Variants in TRIM29 observed in about 807,000 individuals in gnomAD.
TRIM29 encodes tripartite motif-containing protein 29.
A neutral mutation model predicts 57.3 loss-of-function variants in TRIM29; 52 were observed. The observed-to-expected ratio is 0.91, with a 90% confidence interval of 0.73 to 1.14. TRIM29 has a LOEUF of 1.14. TRIM29 is among the 50% of genes most tolerant of loss of function. The pLI is 0.00. For synonymous variants in TRIM29, 319 were observed against 316.9 expected (o/e 1.01, Z -0.07); for missense variants, 753 against 774.6 (o/e 0.97, Z 0.33).
At chr11:120,126,117 A>G (rs1196007913) in intron 3 of TRIM29, 2 of 545,986 alleles carry the variant, frequency 3.7e-6, no homozygotes, top group Non-Finnish European at 6.5e-6. Context: ...CACGACTCCC[A>G]CCTCTAAAGT....
intron 1 of TRIM29, among the ~76,000 whole-genome samples, chr11:120,134,276 C>T (rs1241370359): frequency 2.0e-5 from 3 of 152,092 alleles, no homozygotes; most frequent in African/African-American, 7.2e-5. Context: ...AGCTGAGGCC[C>T]AGAAGACAGG....
intron 6 of TRIM29, 144 bp from the exon 7 acceptor site, chr11:120,118,465 C>T: frequency 1.6e-6 from 1 of 618,286 alleles, no homozygotes; most frequent in South Asian, 2.0e-5. Flanking sequence ...AGTGACGCCT[C>T]ACCCCCATCC....
chr11:120,128,707 C>T, intron 1 of TRIM29: 1 of 1,535,698 alleles, frequency 6.5e-7, no homozygotes, highest in South Asian at 1.2e-5. Flanking sequence ...TAAATACCAT[C>T]TTGCTGTATT....
In TRIM29 at chr11:120,138,015, G is replaced by A. The variant is rs1201732292; in HGVS notation, c.17C>T (p.Ala6Val). ...TGGGCTCGACCCGTTGCTCCTGGAG[G>A]CATCTGCAGCTTCCATCGCAGGGTG... MEAADASRSNGSSPEA... is the reference protein window; with the variant it reads MEAADVSRSNGSSPEA... Residue 6 changes from alanine (A) to valine (V), a missense_variant, in exon 1 of 9, where the codon GCC (alanine) becomes GTC (valine). Physicochemically the swap from Ala to Val is moderately conservative, Grantham distance 64 (BLOSUM62 0). Transcript: ENST00000341846. 3.8e-6 allele frequency: 6 copies of A among 1,598,404 alleles called. No individual in the cohort carries two copies. In the African/African-American group the frequency reaches 4.0e-5, roughly 11 times the overall value.
chr11:120,134,643 T>A (rs1863783428), intron 1 of TRIM29, among the ~76,000 whole-genome samples: 2 of 152,212 alleles, frequency 1.3e-5, no homozygotes, highest in Admixed American at 1.3e-4. Flanking sequence ...CACATGTGTG[T>A]GCACACACAC....
At chr11:120,121,208 C>A (rs938397913) in intron 5 of TRIM29, among the ~76,000 whole-genome samples, 34 of 152,156 alleles carry the variant, frequency 2.2e-4, no homozygotes. Context: ...GACACCACAC[C>A]CCCATTTCCG....
intron 1 of TRIM29, among the ~76,000 whole-genome samples, chr11:120,134,795 T>C (rs1197739768): frequency 6.6e-6 from 1 of 152,192 alleles, no homozygotes; most frequent in East Asian, 1.9e-4. Context: ...TTAGGGGGCT[T>C]CCTCCTCAAA....
chr11:120,116,468 C>G (rs535630853), intron 7 of TRIM29: 1 of 152,670 alleles, frequency 6.6e-6, no homozygotes, highest in Non-Finnish European at 1.5e-5. Flanking sequence ...CTCTCCTGCC[C>G]TGCTCTAAGC....
intron 6 of TRIM29, among the ~76,000 whole-genome samples, chr11:120,120,174 G>C (rs891367953): frequency 8.3e-6 from 1 of 119,886 alleles, no homozygotes; most frequent in Admixed American, 8.0e-5. Flanking sequence ...CATACTTGTG[G>C]GGGGGGTGGC....
intron 5 of TRIM29, chr11:120,121,835 C>A: frequency 2.7e-6 from 1 of 372,814 alleles, no homozygotes; most frequent in South Asian, 1.9e-5. Flanking sequence ...AGGGCCTGGT[C>A]CATGGATGGA....
intron 4 of TRIM29, chr11:120,123,485 G>A (rs1863512226): frequency 2.2e-6 from 1 of 456,870 alleles, no homozygotes; most frequent in Non-Finnish European, 4.4e-6. Flanking sequence ...GTTGGGGATT[G>A]AGCTCTGGCT....
In TRIM29 at chr11:120,128,688, G is replaced by C. The variant is rs139622850; in HGVS notation, c.805-193C>G. On this transcript the variant is annotated intron_variant, in intron 1 of 8. Coordinates refer to ENST00000341846, the MANE Select transcript of TRIM29 (RefSeq NM_012101.4). ...CACCATGCCAGTCGCCAAGGATCTA[G>C]CAGTAAGTTAAATACCATCTTGCTG... 6.9e-3 allele frequency: 10,647 copies of C among 1,535,592 alleles called. 61 individuals carry two copies. Among genetic ancestry groups the C allele is most frequent in the Non-Finnish European group, 8.1e-3 (9,293 of 1,146,770 alleles).
At chr11:120,120,687 C>T in intron 5 of TRIM29, 22 bp from the exon 6 acceptor site, 1 of 1,610,662 alleles carries the variant, frequency 6.2e-7, no homozygotes, top group Non-Finnish European at 8.5e-7. Context: ...ATGAAGGGGG[C>T]TGTCATTGCA....
intron 4 of TRIM29, chr11:120,123,374 T>G: frequency 1.9e-6 from 1 of 528,938 alleles, no homozygotes; most frequent in Non-Finnish European, 3.6e-6. Context: ...ATTTGATCCA[T>G]ACATCAATTG....
chr11:120,120,951 G>T (rs1863430053), intron 5 of TRIM29: 1 of 490,284 alleles, frequency 2.0e-6, no homozygotes, highest in African/African-American at 1.9e-5. Context: ...GTGAGGGTGG[G>T]GCCTCCTGGA....
chr11:120,112,916 A>G (rs908765557), intron 8 of TRIM29, among the ~76,000 whole-genome samples: 6 of 152,118 alleles, frequency 3.9e-5, no homozygotes, highest in Non-Finnish European at 7.4e-5. Context: ...ATCATATTCA[A>G]TTTATAGTTG....
intron 1 of TRIM29, 103 bp from the exon 2 acceptor site, chr11:120,128,598 G>T (rs1264624558): frequency 6.7e-6 from 10 of 1,502,246 alleles, no homozygotes; most frequent in Non-Finnish European, 8.1e-6. Flanking sequence ...CGCAGCCAGG[G>T]CTCATCACTC....
rs1863832482 is a variant in TRIM29, at chr11:120,137,117, G to A, written c.804+111C>T. 2 of 1,188,546 alleles carry A rather than the reference G, an allele frequency of 1.7e-6. No individual in the cohort carries two copies. The highest frequency in any genetic ancestry group is 2.3e-5 in the Admixed American group (1 of 43,872). The allele number at this position is 1,188,546 out of a possible 1,614,324, so 73.6% of individuals were successfully genotyped here. A position where few individuals can be genotyped will look rare whatever the true frequency, so the allele number is the denominator to read the frequency against. On this transcript the variant is annotated intron_variant, in intron 1 of 8. Coordinates refer to ENST00000341846, the MANE Select transcript of TRIM29 (RefSeq NM_012101.4). This position sits in a 1 kb window ranked among gnomAD's most constrained non-coding sequence, Gnocchi z 6.2. ...ATGTTTTCTAAAAGAGCCAAGGACA[G>A]TAGAAACTTAAGCCCCAAACCCGAG...
chr11:120,137,973 C>T lies in TRIM29; in HGVS notation c.59G>A (p.Arg20Gln), dbSNP rs774628360. The T allele has an allele frequency of 8.7e-6, 14 of 1,605,370 alleles. No homozygotes were observed. Among genetic ancestry groups the T allele is most frequent in the Non-Finnish European group, 1.1e-5 (13 of 1,179,940 alleles). Residue 20 changes from arginine (R) to glutamine (Q), a missense_variant, in exon 1 of 9, where the codon CGG becomes CAG. Coordinates refer to ENST00000341846, the MANE Select transcript of TRIM29 (RefSeq NM_012101.4). This position sits in a 1 kb window ranked among gnomAD's most constrained non-coding sequence, Gnocchi z 6.2. ...NGSSPEARDA[R>Q]SPSGPSGSLE... is the part of the protein sequence containing the mutation. ...GCTGCCACTGGGGCCCGACGGGCTCCGGGCATCCCTGGCTTCTGGGCTCGA... is the reference window on the plus strand; with the variant it reads ...GCTGCCACTGGGGCCCGACGGGCTCTGGGCATCCCTGGCTTCTGGGCTCGA...
Sources: allele counts gnomAD v4.1 joint callset (sites outside exome capture counted in the v4.1 genomes callset), GRCh38; gene constraint gnomAD v4.1.1; non-coding constraint Gnocchi (gnomAD v3.1); transcripts MANE v1.5; gene names NCBI Gene and HGNC (gene_info 2026-07-23, HGNC 2026-07-21).